The following ESR1 variants were observed in gnomAD, a reference collection of about 807,000 sequenced individuals.
The protein encoded by ESR1 is estrogen receptor.
A neutral mutation model predicts 52.7 loss-of-function variants in ESR1; 12 were observed. The ratio of observed to expected loss-of-function variants is 0.23; its 90% CI spans 0.15 to 0.37. ESR1 has a LOEUF of 0.37. Ranked by LOEUF, ESR1 falls within the 10% of genes least tolerant of loss-of-function variation. The pLI is 1.00. For missense variants in ESR1, 584 were observed against 779.7 expected (o/e 0.75, Z 2.99); for synonymous variants, 305 against 316.8 (o/e 0.96, Z 0.39).
At chr6:152,097,879 G>A (rs917713836) in intron 7 of ESR1, among the ~76,000 whole-genome samples, 3 of 152,110 alleles carry the variant, frequency 2.0e-5, no homozygotes, top group Non-Finnish European at 2.9e-5. Context: ...GTTTGGAGGC[G>A]GGAGAATAAA....
chr6:152,020,603 A>G (rs1239694519), intron 5 of ESR1, among the ~76,000 whole-genome samples: 2 of 152,056 alleles, frequency 1.3e-5, no homozygotes, highest in Non-Finnish European at 2.9e-5. Context: ...CGCATGCGCC[A>G]TCATGCCTGG....
At chr6:151,736,522 G>A (rs1193396544) in intron 2 of ESR1, among the ~76,000 whole-genome samples, 1 of 151,840 alleles carries the variant, frequency 6.6e-6, no homozygotes, top group Non-Finnish European at 1.5e-5. Flanking sequence ...ACAGGCACAA[G>A]CCACCAAGCC....
At chr6:151,713,850 T>A (rs938486150) in intron 2 of ESR1, among the ~76,000 whole-genome samples, 1 of 152,208 alleles carries the variant, frequency 6.6e-6, no homozygotes, top group Non-Finnish European at 1.5e-5. Context: ...TCAGTTCTGC[T>A]CTGATCTTAG....
intron 2 of ESR1, among the ~76,000 whole-genome samples, chr6:151,767,910 C>T (rs376375242): frequency 2.0e-5 from 3 of 152,216 alleles, no homozygotes; most frequent in Admixed American, 6.5e-5. Context: ...GGCATATACC[C>T]CTTACAATTA....
At chr6:151,984,853 T>C (rs1340747635) in intron 4 of ESR1, among the ~76,000 whole-genome samples, 3 of 152,134 alleles carry the variant, frequency 2.0e-5, no homozygotes, top group Non-Finnish European at 4.4e-5. Flanking sequence ...TAGTTCACCA[T>C]AGTTGGATAT....
At chr6:151,839,775 A>G (rs1207946746) in intron 1 of ESR1, among the ~76,000 whole-genome samples, 1 of 152,152 alleles carries the variant, frequency 6.6e-6, no homozygotes, top group Non-Finnish European at 1.5e-5. Context: ...GAACAAAAGT[A>G]GATTGGTGGC....
At position 151,964,767 on chromosome 6, in the gene ESR1, G is replaced by A. The variant is rs113843830; in HGVS notation, c.1096+20259G>A. On this transcript the variant is annotated intron_variant, in intron 4 of 7. Transcript: ENST00000206249. ...CACCATTCTCCTACCTCAGCCTCCC[G>A]TGTAGCTGGGGCTACAGGTGCCCGC... is the stretch of plus-strand genomic sequence containing the variant. Among the ~76,000 whole-genome samples, 242 of 151,674 alleles carry A rather than the reference G, an allele frequency of 1.6e-3. 2 individuals carry two copies. Among genetic ancestry groups the A allele is most frequent in the African/African-American group, 5.1e-3 (209 of 41,330 alleles).
At chr6:151,811,419 T>C (rs1162261314) in intron 1 of ESR1, 1 of 152,220 alleles carries the variant, frequency 6.6e-6, no homozygotes, top group Non-Finnish European at 1.5e-5. Context: ...TAATTAGGAA[T>C]TTAATGCTGC....
At position 152,098,875 on chromosome 6, in the gene ESR1, G is replaced by A. The variant is rs201930065; in HGVS notation, c.1697G>A (p.Ser566Asn). 127 of 1,614,090 alleles carry A rather than the reference G, an allele frequency of 7.9e-5. No individual in the cohort carries two copies. Among genetic ancestry groups the A allele is most frequent in the Non-Finnish European group, 1.0e-4 (123 of 1,180,040 alleles). Residue 566 changes from serine (S) to asparagine (N), a missense_variant, in exon 8 of 8, where the codon AGC becomes AAC. Ser to Asn is a conservative substitution (Grantham distance 46). Transcript: ENST00000206249. The surrounding 1 kb of genome is among the most constrained non-coding windows in gnomAD (Gnocchi z 5.1). The stretch of plus-strand genomic sequence containing the variant: ...GCATCCGTGGAGGAGACGGACCAAA[G>A]CCACTTGGCCACTGCGGGCTCTACT... The part of the protein sequence containing the change: ...GGASVEETDQ[S>N]HLATAGSTSS...
At chr6:151,889,588 A>G (rs1176382015) in intron 3 of ESR1, among the ~76,000 whole-genome samples, 1 of 151,906 alleles carries the variant, frequency 6.6e-6, no homozygotes, top group African/African-American at 2.4e-5. Flanking sequence ...AATTTTGTTT[A>G]TCTTTTTAAA....
chr6:151,923,795 G>A (rs547274705), intron 3 of ESR1, among the ~76,000 whole-genome samples: 93 of 152,298 alleles, frequency 6.1e-4, no homozygotes, highest in African/African-American at 2.0e-3. Context: ...TTGTGTGCAT[G>A]TGTATTTTCA....
intron 2 of ESR1, among the ~76,000 whole-genome samples, chr6:151,727,041 A>G (rs1286256443): frequency 6.6e-6 from 1 of 152,192 alleles, no homozygotes; most frequent in Non-Finnish European, 1.5e-5. Flanking sequence ...AACTTGGCTA[A>G]CAGCAATTAA....
chr6:151,777,101 G>GTCTTT (rs375369369), intron 2 of ESR1, among the ~76,000 whole-genome samples: 26 of 149,018 alleles, frequency 1.7e-4, no homozygotes, highest in South Asian at 6.3e-4. Context: ...CAACTCTGAG[G>GTCTTT]TCTTTTCTTT....
chr6:151,731,791 A>C (rs554054005), intron 2 of ESR1, among the ~76,000 whole-genome samples: 90 of 152,318 alleles, frequency 5.9e-4, no homozygotes, highest in African/African-American at 2.1e-3. Flanking sequence ...TGTTTACATT[A>C]CTACTTTCAT....
chr6:151,834,596 G>A (rs1583553274), intron 1 of ESR1, among the ~76,000 whole-genome samples: 2 of 152,204 alleles, frequency 1.3e-5, no homozygotes, highest in Admixed American at 1.3e-4. Context: ...AATACCAAAT[G>A]TAGATGACGG....
At chr6:152,071,981 C>T (rs1368867136) in intron 6 of ESR1, among the ~76,000 whole-genome samples, 1 of 152,204 alleles carries the variant, frequency 6.6e-6, no homozygotes, top group African/African-American at 2.4e-5. Context: ...CTATCAATTA[C>T]ACTTTTACCA....
intron 2 of ESR1, among the ~76,000 whole-genome samples, chr6:151,735,489 A>G (rs1782573332): frequency 6.6e-6 from 1 of 152,186 alleles, no homozygotes; most frequent in Admixed American, 6.5e-5. Flanking sequence ...CAGGTGTCCA[A>G]ATGAGATGGT....
intron 3 of ESR1, among the ~76,000 whole-genome samples, chr6:151,912,569 A>T (rs1433903514): frequency 6.6e-6 from 1 of 152,226 alleles, no homozygotes; most frequent in Non-Finnish European, 1.5e-5. Context: ...ACCTTGTACT[A>T]TGATATTTGT....
At chr6:151,989,381 A>T (rs1214948650) in intron 4 of ESR1, among the ~76,000 whole-genome samples, 2 of 152,154 alleles carry the variant, frequency 1.3e-5, no homozygotes, top group African/African-American at 4.8e-5. Flanking sequence ...CAGTTTTCCT[A>T]TGCTGTCTTT....
Sources: allele counts gnomAD v4.1 joint callset (sites outside exome capture counted in the v4.1 genomes callset), GRCh38; gene constraint gnomAD v4.1.1; non-coding constraint Gnocchi (gnomAD v3.1); transcripts MANE v1.5; gene names NCBI Gene and HGNC (gene_info 2026-07-23, HGNC 2026-07-21).